CTNNA2: variants seen among roughly 807,000 people sequenced by gnomAD.
CTNNA2 encodes the protein catenin alpha 2.
Under a neutral mutation model 101.0 loss-of-function variants are expected in CTNNA2, and 42 were observed. That is an observed-to-expected ratio of 0.42 (90% CI 0.32 to 0.54). CTNNA2 has a LOEUF of 0.54. Among genes scored for constraint, CTNNA2 ranks in the 20% least tolerant of loss-of-function variants. CTNNA2 has a pLI of 0.14. For missense variants in CTNNA2, 871 were observed against 1,223.1 expected (o/e 0.71, Z 4.29); for synonymous variants, 450 against 456.4 (o/e 0.99, Z 0.18).
chr2:79,803,988 A>G (rs1340905342), intron 3 of CTNNA2, among the ~76,000 whole-genome samples: 1 of 152,260 alleles, frequency 6.6e-6, no homozygotes, highest in Non-Finnish European at 1.5e-5. Context: ...TAGACTCTTG[A>G]CTAAGAGGCA....
At chr2:79,445,616 T>C (rs368801376) in intron 4 of CTNNA2, among the ~76,000 whole-genome samples, 2 of 152,150 alleles carry the variant, frequency 1.3e-5, no homozygotes, top group East Asian at 1.9e-4. Flanking sequence ...TAATCACCTG[T>C]TGATTAGTGG....
At chr2:80,104,255 A>G (rs1700736064) in intron 7 of CTNNA2, among the ~76,000 whole-genome samples, 3 of 152,206 alleles carry the variant, frequency 2.0e-5, no homozygotes, top group Admixed American at 6.5e-5. Context: ...TTATCAGCTA[A>G]GCTTTTGGAG....
At chr2:80,013,998 T>A (rs1263402636) in intron 7 of CTNNA2, among the ~76,000 whole-genome samples, 1 of 152,120 alleles carries the variant, frequency 6.6e-6, no homozygotes, top group Non-Finnish European at 1.5e-5. Context: ...AGAATTAGAT[T>A]GCTTAAAACT....
At chr2:79,214,992 A>G (rs187561033) in intron 2 of CTNNA2, among the ~76,000 whole-genome samples, 1,893 of 152,110 alleles carry the variant, frequency 0.012, 29 homozygotes, top group African/African-American at 0.038. Flanking sequence ...AAGGGGACGG[A>G]CTTACCTTCC....
chr2:80,282,514 G>C (rs1403822693), intron 7 of CTNNA2, among the ~76,000 whole-genome samples: 1 of 152,030 alleles, frequency 6.6e-6, no homozygotes, highest in Non-Finnish European at 1.5e-5. Flanking sequence ...AATACAATCA[G>C]CTCTCCTATA....
At chr2:79,885,717 A>G (rs1408442469) in intron 6 of CTNNA2, among the ~76,000 whole-genome samples, 1 of 152,218 alleles carries the variant, frequency 6.6e-6, no homozygotes, top group Non-Finnish European at 1.5e-5. Flanking sequence ...ATTAGAATGA[A>G]GGTGAAGAGT....
At chr2:80,448,885 T>A (rs889878798) in intron 9 of CTNNA2, among the ~76,000 whole-genome samples, 1 of 152,084 alleles carries the variant, frequency 6.6e-6, no homozygotes, top group African/African-American at 2.4e-5. Flanking sequence ...CTTTCCTCCT[T>A]TTTCTCTATC....
At chr2:80,126,248 C>T (rs906262572) in intron 7 of CTNNA2, among the ~76,000 whole-genome samples, 3 of 152,074 alleles carry the variant, frequency 2.0e-5, no homozygotes, top group East Asian at 3.9e-4. Context: ...ATAGTGGGAG[C>T]TCAGCATCAC....
rs143383238 is a variant in CTNNA2, at chr2:80,366,444, A to G, written c.1057-26767A>G. Among the ~76,000 whole-genome samples the G allele has an allele frequency of 7.6e-3, 1,155 of 152,220 alleles. 19 individuals are homozygous for G. The highest frequency in any genetic ancestry group is 0.027 in the African/African-American group (1,105 of 41,514). ...TGTGTGTATGCATGCATTTGTTTGT[A>G]TAAAGTAGTTCACAGACGCATTTGC... On this transcript the variant is annotated intron_variant, in intron 7 of 18. Transcript: ENST00000402739.
intron 17 of CTNNA2, among the ~76,000 whole-genome samples, chr2:80,613,988 C>A (rs1359870449): frequency 6.6e-6 from 1 of 151,486 alleles, no homozygotes; most frequent in Non-Finnish European, 1.5e-5. Flanking sequence ...GTCATTCAAT[C>A]AGTAAAATTT....
At chr2:79,375,570 A>G (rs1677961762) in intron 4 of CTNNA2, among the ~76,000 whole-genome samples, 1 of 152,128 alleles carries the variant, frequency 6.6e-6, no homozygotes, top group South Asian at 2.1e-4. Flanking sequence ...AAATACTGAG[A>G]CCTTCAAAAA....
At chr2:79,457,864 T>C (rs1047117863) in intron 4 of CTNNA2, among the ~76,000 whole-genome samples, 5 of 152,214 alleles carry the variant, frequency 3.3e-5, no homozygotes, top group Non-Finnish European at 7.3e-5. Context: ...TCAACTAGCA[T>C]TTCATCCCAG....
intron 7 of CTNNA2, among the ~76,000 whole-genome samples, chr2:80,042,641 G>A (rs138216855): frequency 5.9e-5 from 9 of 152,230 alleles, no homozygotes; most frequent in South Asian, 2.1e-4. Context: ...GACCATGGCC[G>A]ATTCATGATA....
intron 7 of CTNNA2, among the ~76,000 whole-genome samples, chr2:80,146,413 C>G (rs1400110435): frequency 6.6e-6 from 1 of 152,108 alleles, no homozygotes; most frequent in Non-Finnish European, 1.5e-5. Flanking sequence ...GAACTCTCTC[C>G]AACTTTCTGC....
chr2:80,191,017 C>T (rs1206945232), intron 7 of CTNNA2, among the ~76,000 whole-genome samples: 1 of 152,080 alleles, frequency 6.6e-6, no homozygotes, highest in African/African-American at 2.4e-5. Flanking sequence ...GTGTTTTGAC[C>T]GCTAGGGTCT....
At chr2:80,612,766 A>G (rs1698570111) in intron 17 of CTNNA2, among the ~76,000 whole-genome samples, 1 of 151,334 alleles carries the variant, frequency 6.6e-6, no homozygotes, top group Non-Finnish European at 1.5e-5. Context: ...TATATCTTCT[A>G]TTTTGTCTAT....
At chr2:80,601,352 C>T (rs1475225401) in intron 15 of CTNNA2, among the ~76,000 whole-genome samples, 4 of 148,850 alleles carry the variant, frequency 2.7e-5, no homozygotes, top group Non-Finnish European at 4.4e-5. Context: ...AGATTATCTT[C>T]TCTTTAAAGG....
At position 79,304,863 on chromosome 2, in the gene CTNNA2, A is replaced by T. The variant is rs114616006; in HGVS notation, c.-405-7846A>T. Among the ~76,000 whole-genome samples, 604 of 152,302 alleles carry T rather than the reference A, an allele frequency of 4.0e-3. 3 individuals are homozygous for T. Among genetic ancestry groups the T allele is most frequent in the African/African-American group, 0.014 (575 of 41,560 alleles). ...AGATCTGGACAGTGAGGCATGAAGA[A>T]ATGAATTGCTGACTAAAGTAGTGGG... On this transcript the variant is annotated intron_variant, in intron 2 of 21. Transcript: ENST00000466387.
Position 79,571,505 on chromosome 2 carries a change from C to T in CTNNA2, c.-6+58298C>T, listed in dbSNP as rs370142989. On this transcript the variant is annotated intron_variant, in intron 1 of 18. Transcript: ENST00000402739. Reference sequence around the variant, plus strand: ...TGTTCCTTTCTTTTTGTCTTTTCAGCTTTTAAACTGATATTGATAATTATC... The same window carrying T: ...TGTTCCTTTCTTTTTGTCTTTTCAGTTTTTAAACTGATATTGATAATTATC... Among the ~76,000 whole-genome samples the T allele has an allele frequency of 2.1e-3, 315 of 152,262 alleles. 5 individuals carry two copies. The South Asian group carries it at 0.054, about 26-fold the overall frequency.
Sources: gnomAD v4.1 joint callset for allele counts (sites outside exome capture counted in the v4.1 genomes callset) on GRCh38, gnomAD v4.1.1 for gene constraint, MANE v1.5 for transcripts, NCBI Gene and HGNC (gene_info 2026-07-23, HGNC 2026-07-21) for gene names.